HMCN1: variants seen among roughly 807,000 people sequenced by gnomAD.
HMCN1 encodes the protein hemicentin-1.
A neutral mutation model predicts 625.9 loss-of-function variants in HMCN1; 321 were observed. The observed-to-expected ratio is 0.51, with a 90% CI of 0.47 to 0.56. The LOEUF (loss-of-function observed/expected upper bound fraction) is 0.56, where lower values mean the gene tolerates loss of function less well. Among genes scored for constraint, HMCN1 ranks in the 20% least tolerant of loss-of-function variants. HMCN1 has a pLI of 0.00. For missense variants in HMCN1, 6,588 were observed against 6,887.3 expected, an observed-to-expected ratio of 0.96 and a Z score of 1.54; for synonymous variants, 2,425 against 2,417.6, an observed-to-expected ratio of 1.00 and a Z score of -0.09.
chr1:185,762,419 G>A (rs76685809), intron 1 of HMCN1, among the ~76,000 whole-genome samples: 247 of 152,206 alleles, frequency 1.6e-3, no homozygotes, highest in African/African-American at 5.7e-3. Context: ...AATATGACTT[G>A]GACCCTGCTG....
intron 25 of HMCN1, among the ~76,000 whole-genome samples, chr1:185,999,569 G>A (rs1653034918): frequency 1.3e-5 from 2 of 151,954 alleles, no homozygotes; most frequent in South Asian, 4.2e-4. Context: ...GCAATATCAG[G>A]CCTTTTTAAA....
At position 186,165,100 on chromosome 1, in the gene HMCN1, C is replaced by T. The variant is rs756975828; in HGVS notation, c.15257-11C>T. 4 of 1,613,542 alleles carry T rather than the reference C, an allele frequency of 2.5e-6. No individual in the cohort carries two copies. The highest frequency in any genetic ancestry group is 2.2e-5 in the South Asian group (2 of 90,988). ...ATAAGCCAGTTAACTTTGCTTTCCT[C>T]TCTGTGGTAGGAGATCGCAGTAATC... On this transcript the variant is annotated splice_polypyrimidine_tract_variant and intron_variant, in intron 97 of 106. Transcript: ENST00000271588.
intron 11 of HMCN1, among the ~76,000 whole-genome samples, chr1:185,953,042 G>A (rs563156129): frequency 2.0e-5 from 3 of 151,504 alleles, no homozygotes; most frequent in South Asian, 2.1e-4. Flanking sequence ...CTAGAAAAGC[G>A]GGACTTGCCA....
intron 30 of HMCN1, among the ~76,000 whole-genome samples, chr1:186,012,375 G>C (rs925663094): frequency 6.6e-6 from 1 of 151,528 alleles, no homozygotes; most frequent in Non-Finnish European, 1.5e-5. Context: ...GGCTCTAAGA[G>C]GCTAATCCTT....
intron 73 of HMCN1, among the ~76,000 whole-genome samples, 196 bp from the exon 74 acceptor site, chr1:186,114,623 A>C (rs1333312714): frequency 2.6e-5 from 4 of 152,220 alleles, no homozygotes; most frequent in African/African-American, 9.6e-5. Flanking sequence ...ATAATCCATT[A>C]AAGATCACAA....
At chr1:185,953,251 G>A (rs1289314560) in intron 11 of HMCN1, among the ~76,000 whole-genome samples, 2 of 151,520 alleles carry the variant, frequency 1.3e-5, no homozygotes, top group African/African-American at 2.4e-5. Context: ...CAGAGAAGGG[G>A]TAGAGAGAAG....
intron 4 of HMCN1, among the ~76,000 whole-genome samples, chr1:185,884,995 G>A (rs1179248402): frequency 6.6e-6 from 1 of 151,760 alleles, no homozygotes; most frequent in South Asian, 2.1e-4. Flanking sequence ...ATGTTATCAA[G>A]TTGAGCATTA....
At chr1:185,846,669 C>T (rs949823151) in intron 2 of HMCN1, among the ~76,000 whole-genome samples, 2 of 152,128 alleles carry the variant, frequency 1.3e-5, no homozygotes, top group African/African-American at 4.8e-5. Context: ...TTTTCCGAGG[C>T]TGTTTCACTG....
intron 64 of HMCN1, among the ~76,000 whole-genome samples, chr1:186,091,691 C>G (rs1451816059): frequency 1.3e-5 from 2 of 151,966 alleles, no homozygotes; most frequent in African/African-American, 2.4e-5. Context: ...TACTAGATTA[C>G]TTCATCACAA....
intron 11 of HMCN1, among the ~76,000 whole-genome samples, chr1:185,945,216 G>T (rs749258661): frequency 1.3e-5 from 2 of 152,188 alleles, no homozygotes; most frequent in Non-Finnish European, 2.9e-5. Flanking sequence ...TGCAAAACTG[G>T]TAGATAAGGA....
intron 1 of HMCN1, among the ~76,000 whole-genome samples, chr1:185,837,423 TA>T (rs1208245628): frequency 6.6e-5 from 10 of 152,194 alleles, no homozygotes; most frequent in African/African-American, 2.4e-4. Flanking sequence ...TCCTTTCATG[TA>T]GTGTTTGGTA....
intron 76 of HMCN1, 51 bp from the exon 77 acceptor site, chr1:186,117,408 A>C: frequency 6.3e-7 from 1 of 1,588,682 alleles, no homozygotes; most frequent in Non-Finnish European, 8.6e-7. Flanking sequence ...GAAATCTTTA[A>C]GGGCTGGAAA....
At chr1:185,918,970 C>A (rs1375928288) in intron 6 of HMCN1, among the ~76,000 whole-genome samples, 1 of 151,478 alleles carries the variant, frequency 6.6e-6, no homozygotes, top group Non-Finnish European at 1.5e-5. Flanking sequence ...CTTTTTGTAG[C>A]CATATTCTAA....
rs748275523 is a variant in HMCN1, at chr1:185,993,278, T to A, written c.3474T>A (p.Asn1158Lys). The change falls in exon 23 of 107, where the codon AAT becomes AAA. Residue 1158 changes from asparagine to lysine, a missense_variant. Around this residue, in one of 3 missense-constraint regions of HMCN1, gnomAD observed 4,628 missense variants for 4,853.1 expected, o/e 0.95. Coordinates refer to ENST00000271588, the MANE Select transcript of HMCN1 (RefSeq NM_031935.3). ...YLCVATNIAGNVTQAVKLNVH... is the reference protein window; with the variant it reads ...YLCVATNIAGKVTQAVKLNVH... The stretch of plus-strand genomic sequence containing the variant: ...GTGTTGCCACAAATATTGCTGGGAA[T>A]GTGACTCAGGCTGTCAAATTAAATG... 2.6e-5 allele frequency: 42 copies of A among 1,613,072 alleles called. No individual in the cohort carries two copies. Among genetic ancestry groups the A allele is most frequent in the Non-Finnish European group, 3.5e-5 (41 of 1,179,264 alleles).
chr1:185,915,895 G>C (rs1666671114), intron 6 of HMCN1, among the ~76,000 whole-genome samples: 1 of 151,918 alleles, frequency 6.6e-6, no homozygotes, highest in Non-Finnish European at 1.5e-5. Flanking sequence ...TTAATGTTTT[G>C]GGTCAGTGGC....
chr1:185,921,674 G>A (rs1157566805), intron 6 of HMCN1, among the ~76,000 whole-genome samples: 1 of 152,050 alleles, frequency 6.6e-6, no homozygotes, highest in East Asian at 1.9e-4. Context: ...TTAAATGCTG[G>A]AATTATGTGG....
rs1444667439 is a variant in HMCN1, at chr1:186,153,825, G to C, written c.15094G>C (p.Gly5032Arg). The C allele has an allele frequency of 1.2e-6, 2 of 1,613,988 alleles. No homozygotes were observed. The highest frequency in any genetic ancestry group is 2.7e-5 in the African/African-American group (2 of 74,900). Residue 5032 changes from glycine to arginine, a missense_variant, in exon 97 of 107, where the codon GGC becomes CGC. This residue lies in a region of HMCN1 where 1,954 missense variants were observed against 2,013.1 expected (regional missense o/e 0.97). Transcript: ENST00000271588. Reference sequence around the variant, plus strand: ...CTCAACCCGGCTGTTCACCATTGATGGCATCAGCATCCCATACACATGGAA... The same window carrying C: ...CTCAACCCGGCTGTTCACCATTGATCGCATCAGCATCCCATACACATGGAA... ...AYSTRLFTID[G>R]ISIPYTWNHT...
intron 1 of HMCN1, among the ~76,000 whole-genome samples, chr1:185,749,264 G>T (rs1012463244): frequency 1.3e-5 from 2 of 152,176 alleles, no homozygotes; most frequent in Non-Finnish European, 2.9e-5. Context: ...TAGTTTAATT[G>T]TGCTTGGAAA....
chr1:185,939,007 C>G (rs1047817257), intron 11 of HMCN1, among the ~76,000 whole-genome samples: 3 of 151,986 alleles, frequency 2.0e-5, no homozygotes, highest in Non-Finnish European at 4.4e-5. Flanking sequence ...TTCAAGGGTT[C>G]AGGAAAAATA....
Sources: allele counts gnomAD v4.1 joint callset (sites outside exome capture counted in the v4.1 genomes callset), GRCh38; gene constraint gnomAD v4.1.1; regional missense constraint gnomAD v4.1.1; transcripts MANE v1.5; gene names NCBI Gene and HGNC (gene_info 2026-07-23, HGNC 2026-07-21).